ASCC3: variants seen among roughly 807,000 people sequenced by gnomAD.
The protein encoded by ASCC3 is activating signal cointegrator 1 complex subunit 3, also known as ASC-1 complex subunit P200.
Under a neutral mutation model 256.3 loss-of-function variants are expected in ASCC3, and 158 were observed. The ratio of observed to expected loss-of-function variants is 0.62; its 90% confidence interval spans 0.54 to 0.70. The LOEUF (loss-of-function observed/expected upper bound fraction) is 0.70, where lower values mean the gene tolerates loss of function less well. Ranked by LOEUF, ASCC3 falls within the 30% of genes least tolerant of loss-of-function variation. The pLI, the probability that ASCC3 is intolerant of heterozygous loss-of-function variation, is 0.00. For synonymous variants in ASCC3, 948 were observed against 883.4 expected, an observed-to-expected ratio of 1.07 and a Z score of -1.30; for missense variants, 2,259 against 2,626.0, an observed-to-expected ratio of 0.86 and a Z score of 3.05.
intron 14 of ASCC3, among the ~76,000 whole-genome samples, chr6:100,673,541 C>T (rs1034215653): frequency 2.6e-5 from 4 of 151,890 alleles, no homozygotes; most frequent in Non-Finnish European, 4.4e-5. Flanking sequence ...AAAATAGCTA[C>T]AATCAAAATT....
intron 36 of ASCC3, among the ~76,000 whole-genome samples, chr6:100,558,921 A>G (rs1769775553): frequency 6.6e-6 from 1 of 152,076 alleles, no homozygotes; most frequent in South Asian, 2.1e-4. Context: ...TTTGAATTCT[A>G]CTTAGGGCTT....
chr6:100,586,220 C>T (rs1177560453), intron 36 of ASCC3, among the ~76,000 whole-genome samples: 1 of 152,220 alleles, frequency 6.6e-6, no homozygotes. Context: ...CCTCCTTGAG[C>T]TGTGGTGGGC....
intron 38 of ASCC3, 29 bp downstream of exon 38, chr6:100,517,962 A>G: frequency 1.9e-6 from 3 of 1,608,666 alleles, no homozygotes; most frequent in Non-Finnish European, 2.6e-6. Context: ...TCAAAACAAA[A>G]CAATTACATT....
chr6:100,701,246 T>TACTCCCACAATTCCTTTACTC (rs1301973546), intron 13 of ASCC3, among the ~76,000 whole-genome samples: 8 of 152,226 alleles, frequency 5.3e-5, no homozygotes, highest in Admixed American at 1.3e-4. Flanking sequence ...TAACTTTACT[T>TACTCCCACAATTCCTTTACTC]ACTCCCACAA....
At chr6:100,671,274 T>C (rs542312033) in intron 14 of ASCC3, among the ~76,000 whole-genome samples, 1 of 152,196 alleles carries the variant, frequency 6.6e-6, no homozygotes. Flanking sequence ...TGCCTGCTGC[T>C]TTCTAAAGCA....
At chr6:100,644,695 T>C (rs2114898064) in intron 22 of ASCC3, among the ~76,000 whole-genome samples, 1 of 152,268 alleles carries the variant, frequency 6.6e-6, no homozygotes, top group Non-Finnish European at 1.5e-5. Context: ...CCACATCCCC[T>C]GGGATAATTT....
chr6:100,765,502 C>A (rs1189245532), intron 10 of ASCC3, among the ~76,000 whole-genome samples: 1 of 152,260 alleles, frequency 6.6e-6, no homozygotes, highest in East Asian at 1.9e-4. Flanking sequence ...ATAACTCAAC[C>A]AACCGCCAAT....
At chr6:100,822,950 A>AC (rs984438240) in intron 4 of ASCC3, among the ~76,000 whole-genome samples, 2 of 152,204 alleles carry the variant, frequency 1.3e-5, no homozygotes, top group Non-Finnish European at 2.9e-5. Context: ...CTAGGAAACC[A>AC]CCAGTATATT....
chr6:100,672,711 C>G (rs1205434021), intron 14 of ASCC3, among the ~76,000 whole-genome samples: 1 of 152,046 alleles, frequency 6.6e-6, no homozygotes, highest in Non-Finnish European at 1.5e-5. Flanking sequence ...TGGACTTCTA[C>G]TCCTCTGATT....
At chr6:100,858,289 T>A (rs1562349400) in intron 3 of ASCC3, 8 of 475,242 alleles carry the variant, frequency 1.7e-5, no homozygotes, top group Non-Finnish European at 1.4e-5. Context: ...ATGGAAAAGT[T>A]TTTTTTTCCA....
In ASCC3 at chr6:100,679,705, C is replaced by T. The variant is rs1420081788; in HGVS notation, c.2199G>A (p.Met733Ile). The T allele has an allele frequency of 6.2e-7, 1 of 1,613,630 alleles. No individual in the cohort carries two copies. Among genetic ancestry groups the T allele is most frequent in the South Asian group, 1.1e-5 (1 of 91,068 alleles). ...AATTTTTTGCTCTTTCTATTAGAGA[C>T]ATAGCTGTTCTTACAGTGGCATTTC... The part of the protein sequence containing the change: ...HARNATVRTA[M>I]SLIERAKNCG... The change falls in exon 14 of 42, where the codon ATG becomes ATA. Residue 733 changes from methionine (M) to isoleucine (I), a missense_variant. By Grantham distance (10) the Met-to-Ile change is conservative (BLOSUM62 1). This residue lies in a region of ASCC3 where 1,839 missense variants were observed against 2,206.7 expected (regional missense o/e 0.83). Coordinates refer to ENST00000369162, the MANE Select transcript of ASCC3 (RefSeq NM_006828.4).
At chr6:100,689,059 T>C (rs968545198) in intron 13 of ASCC3, among the ~76,000 whole-genome samples, 2 of 152,298 alleles carry the variant, frequency 1.3e-5, no homozygotes, top group African/African-American at 4.8e-5. Context: ...ACGTTAGCCA[T>C]GTTTTTCACT....
chr6:100,607,117 T>A lies in ASCC3; in HGVS notation c.4786-29A>T, dbSNP rs1270239479. The A allele has an allele frequency of 3.1e-6, 5 of 1,609,248 alleles. No individual in the cohort carries two copies. In the East Asian group the frequency reaches 1.1e-4, roughly 36 times the overall value. ...CAAGTAAAAACAAAATTACAAGATG[T>A]AGATGCATAACTTTAAAATTTTCAT... On this transcript the variant is annotated intron_variant, in intron 30 of 41. Coordinates refer to ENST00000369162, the MANE Select transcript of ASCC3 (RefSeq NM_006828.4).
intron 14 of ASCC3, among the ~76,000 whole-genome samples, chr6:100,665,932 T>G (rs1457369243): frequency 6.6e-6 from 1 of 151,990 alleles, no homozygotes; most frequent in Non-Finnish European, 1.5e-5. Flanking sequence ...AAGAGGAGTT[T>G]CTCCACCTTA....
At position 100,737,122 on chromosome 6, in the gene ASCC3, G is replaced by C. The variant is rs944140694; in HGVS notation, c.1738-11419C>G. On this transcript the variant is annotated intron_variant, in intron 10 of 41. Coordinates refer to ENST00000369162, the MANE Select transcript of ASCC3 (RefSeq NM_006828.4). ...AGATTGCACCACTGCACTCCAGCCT[G>C]GGCAACAGAGTGAGACTCCGTCTAT... Among the ~76,000 whole-genome samples, 6 of 148,356 alleles carry C rather than the reference G, an allele frequency of 4.0e-5. No individual in the cohort carries two copies. The Admixed American group carries it at 4.1e-4, about 10-fold the overall frequency.
rs540582839 is a variant in ASCC3 at position 100,757,589 on chromosome 6, G to T, written c.1737+8976C>A. Among the ~76,000 whole-genome samples the T allele has an allele frequency of 3.9e-4, 59 of 152,116 alleles. 2 individuals are homozygous for T. Among genetic ancestry groups the T allele is most frequent in the African/African-American group, 1.4e-3 (58 of 41,490 alleles). ...AACAAAAAAGGCACAAACCACAGAA[G>T]AAGTTTATAAATTTGACTATCTTAT... On this transcript the variant is annotated intron_variant, in intron 10 of 41. Coordinates refer to ENST00000369162, the MANE Select transcript of ASCC3 (RefSeq NM_006828.4).
chr6:100,525,355 AGTT>A (rs1457256777), intron 37 of ASCC3, among the ~76,000 whole-genome samples: 1 of 151,932 alleles, frequency 6.6e-6, no homozygotes, highest in Non-Finnish European at 1.5e-5. Context: ...ATAAAAACCA[AGTT>A]GTTATTTATA....
At chr6:100,537,495 A>G (rs1225225677) in intron 37 of ASCC3, among the ~76,000 whole-genome samples, 1 of 152,136 alleles carries the variant, frequency 6.6e-6, no homozygotes, top group African/African-American at 2.4e-5. Context: ...TACTGACAAA[A>G]TTTGAATAGG....
At chr6:100,565,876 G>A (rs1770216018) in intron 36 of ASCC3, among the ~76,000 whole-genome samples, 1 of 152,052 alleles carries the variant, frequency 6.6e-6, no homozygotes, top group Non-Finnish European at 1.5e-5. Flanking sequence ...CCTCTTAAGA[G>A]CAAAGATTAC....
Sources: allele counts gnomAD v4.1 joint callset (sites outside exome capture counted in the v4.1 genomes callset), GRCh38; gene constraint gnomAD v4.1.1; regional missense constraint gnomAD v4.1.1; transcripts MANE v1.5; gene names NCBI Gene and HGNC (gene_info 2026-07-23, HGNC 2026-07-21).